The following ANKRD23 variants were observed in gnomAD, a reference collection of about 807,000 sequenced individuals.
The protein encoded by ANKRD23 is ankyrin repeat domain-containing protein 23.
A neutral mutation model predicts 38.1 loss-of-function variants in ANKRD23; 52 were observed. The observed-to-expected ratio is 1.36, with a 90% CI of 1.09 to 1.72. The LOEUF (loss-of-function observed/expected upper bound fraction) is 1.72. ANKRD23 is among the 40% of genes most tolerant of loss of function. The pLI, the probability that ANKRD23 is intolerant of heterozygous loss-of-function variation, is 0.00. For synonymous variants in ANKRD23, 167 were observed against 162.9 expected (o/e 1.03, Z -0.19); for missense variants, 416 against 400.2 (o/e 1.04, Z -0.34).
chr2:96,840,145 T>TA (rs2079742821), intron 6 of ANKRD23, 50 bp from the exon 7 acceptor site: 1 of 1,552,186 alleles, frequency 6.4e-7, no homozygotes, highest in African/African-American at 1.4e-5. Flanking sequence ...GAGGCCTCCC[T>TA]AACCCATGGG....
intron 2 of ANKRD23, 67 bp from the exon 3 acceptor site, chr2:96,842,252 C>A: frequency 6.2e-7 from 1 of 1,609,362 alleles, no homozygotes; most frequent in South Asian, 1.1e-5. Context: ...GCCCTGCCGA[C>A]AGGAGACACC....
At position 96,838,818 on chromosome 2, in the gene ANKRD23, C is replaced by T. The variant is rs1416194773; in HGVS notation, c.*731G>A. On this transcript the variant is annotated 3_prime_UTR_variant, in exon 9 of 9. Coordinates refer to ENST00000318357, the MANE Select transcript of ANKRD23 (RefSeq NM_144994.8). Reference sequence around the variant, plus strand: ...CTTCTCTCAAATGCGCGCTCCAGCTCATCAGTCTTAGGGCTTCTGAGGCAA... The same window carrying T: ...CTTCTCTCAAATGCGCGCTCCAGCTTATCAGTCTTAGGGCTTCTGAGGCAA... The T allele has an allele frequency of 2.0e-6, 2 of 985,454 alleles. No individual in the cohort carries two copies. Among genetic ancestry groups the T allele is most frequent in the Non-Finnish European group, 2.4e-6 (2 of 830,034 alleles). The allele number at this position is 985,454 out of a possible 1,614,324, so 61.0% of individuals were successfully genotyped here. A position where few individuals can be genotyped will look rare whatever the true frequency, so the allele number is the denominator to read the frequency against.
rs2079709934 is a variant in ANKRD23 at position 96,837,951 on chromosome 2, T to C, written c.*1598A>G. ...AGTTTTAATGAACAGAGGATACTGA[T>C]TGGTATAAAAAGGTGTGTTTGTCAC... is the stretch of plus-strand genomic sequence containing the variant. On this transcript the variant is annotated 3_prime_UTR_variant, in exon 9 of 9. Transcript: ENST00000318357. 1 of 152,200 alleles carries C rather than the reference T, an allele frequency of 6.6e-6. No individual in the cohort carries two copies. The highest frequency in any genetic ancestry group is 1.5e-5 in the Non-Finnish European group (1 of 68,024). 9.4% of individuals were successfully genotyped at this position (152,200 alleles called of 1,614,324 possible).
chr2:96,842,716 C>T (rs1236712890), intron 1 of ANKRD23, among the ~76,000 whole-genome samples: 1 of 152,248 alleles, frequency 6.6e-6, no homozygotes, highest in Non-Finnish European at 1.5e-5. Flanking sequence ...GCAACTGTGT[C>T]ATCAGCTGAC....
chr2:96,839,501 G>C lies in ANKRD23; in HGVS notation c.*48C>G. ...GTGCAGACGCGGGGGCGGGGCACAG[G>C]ATGGAATGGTGGCAGTGCGAAAGGC... On this transcript the variant is annotated 3_prime_UTR_variant, in exon 9 of 9. Coordinates refer to ENST00000318357, the MANE Select transcript of ANKRD23 (RefSeq NM_144994.8). The C allele has an allele frequency of 7.1e-7, 1 of 1,416,904 alleles. No individual in the cohort carries two copies. The highest frequency in any genetic ancestry group is 9.2e-7 in the Non-Finnish European group (1 of 1,091,072). The allele number at this position is 1,416,904 out of a possible 1,614,324, so 87.8% of individuals were successfully genotyped here.
At position 96,840,503 on chromosome 2, in the gene ANKRD23, G is replaced by A. The variant is rs144783054; in HGVS notation, c.438C>T (p.Thr146=). Residue 146 remains threonine, a synonymous_variant, in exon 5 of 9, where the codon ACC becomes ACT. Coordinates refer to ENST00000318357, the MANE Select transcript of ANKRD23 (RefSeq NM_144994.8). The part of the protein sequence containing the change: ...DPNAHDKLHR[T]ALHWACLKGH... ...CCTTCAGACAGGCCCAGTGCAAGGC[G>A]GTGCGGTGGAGCTGAGGGCAGAGAT... is the stretch of plus-strand genomic sequence containing the variant. 4.9e-5 allele frequency: 79 copies of A among 1,613,814 alleles called. 3 individuals are homozygous for A. In the South Asian group the frequency reaches 5.8e-4, roughly 12 times the overall value.
Position 96,839,317 on chromosome 2 carries a change from C to G in ANKRD23, c.*232G>C. On this transcript the variant is annotated 3_prime_UTR_variant, in exon 9 of 9. Transcript: ENST00000318357. The stretch of plus-strand genomic sequence containing the variant: ...TTCTGCTGCCTTGTGGTCCTCTGCT[C>G]CAGCCCTGGGAGGGAACGCGGCTCC... 1 of 1,244,228 alleles carries G rather than the reference C, an allele frequency of 8.0e-7. No individual in the cohort carries two copies. The highest frequency in any genetic ancestry group is 1.0e-6 in the Non-Finnish European group (1 of 995,958). The allele number at this position is 1,244,228 out of a possible 1,614,324, so 77.1% of individuals were successfully genotyped here. A position where few individuals can be genotyped will look rare whatever the true frequency, so the allele number is the denominator to read the frequency against.
rs1423707181 is a variant in ANKRD23 at position 96,839,001 on chromosome 2, G to A, written c.*548C>T. On this transcript the variant is annotated 3_prime_UTR_variant, in exon 9 of 9. Coordinates refer to ENST00000318357, the MANE Select transcript of ANKRD23 (RefSeq NM_144994.8). Reference sequence around the variant, plus strand: ...GCTACTGACAGGAATGGGGTCCCCAGAGAAAGCCATGCCCACAGGCATCCA... The same window carrying A: ...GCTACTGACAGGAATGGGGTCCCCAAAGAAAGCCATGCCCACAGGCATCCA... 1.0e-6 allele frequency: 1 copy of A among 985,818 alleles called. No homozygotes were observed. Among genetic ancestry groups the A allele is most frequent in the African/African-American group, 1.7e-5 (1 of 57,268 alleles). 61.1% of individuals were successfully genotyped at this position (985,818 alleles called of 1,614,324 possible). A position where few individuals can be genotyped will look rare whatever the true frequency, so the allele number is the denominator to read the frequency against.
rs2079735786 is a variant in ANKRD23, at chr2:96,839,710, G to T, written c.822+17C>A. ...ACCCGCCCTCGGGTCAGGAGCCAGG[G>T]CTGCGCCCACACTCACCGCGTTCCG... On this transcript the variant is annotated intron_variant, in intron 8 of 8. Coordinates refer to ENST00000318357, the MANE Select transcript of ANKRD23 (RefSeq NM_144994.8). The T allele has an allele frequency of 3.7e-6, 6 of 1,611,230 alleles. No individual in the cohort carries two copies. Among genetic ancestry groups the T allele is most frequent in the South Asian group, 1.1e-5 (1 of 90,758 alleles).
chr2:96,842,942 G>A (rs569243724), intron 1 of ANKRD23, among the ~76,000 whole-genome samples: 16 of 152,308 alleles, frequency 1.1e-4, no homozygotes, highest in African/African-American at 2.9e-4. Flanking sequence ...AAGTCCCCCC[G>A]GGGTAAAATT....
rs1440385712 is a variant in ANKRD23 at position 96,838,466 on chromosome 2, G to A, written c.*1083C>T. The A allele has an allele frequency of 7.1e-6, 7 of 987,160 alleles. No individual in the cohort carries two copies. The highest frequency in any genetic ancestry group is 7.2e-6 in the Non-Finnish European group (6 of 830,256). The allele number at this position is 987,160 out of a possible 1,614,324, so 61.2% of individuals were successfully genotyped here. A position where few individuals can be genotyped will look rare whatever the true frequency, so the allele number is the denominator to read the frequency against. Reference sequence around the variant, plus strand: ...TTAGACCACCAGGGAGCAGGGAAGGGATGGGAAGGGCTGGGGGGCGGCGGG... The same window carrying A: ...TTAGACCACCAGGGAGCAGGGAAGGAATGGGAAGGGCTGGGGGGCGGCGGG... On this transcript the variant is annotated 3_prime_UTR_variant, in exon 9 of 9. Coordinates refer to ENST00000318357, the MANE Select transcript of ANKRD23 (RefSeq NM_144994.8).
At position 96,838,448 on chromosome 2, in the gene ANKRD23, A is replaced by T. The variant is rs959691885; in HGVS notation, c.*1101T>A. 3 of 987,894 alleles carry T rather than the reference A, an allele frequency of 3.0e-6. No homozygotes were observed. The African/African-American group carries it at 5.2e-5, about 17-fold the overall frequency. 61.2% of individuals were successfully genotyped at this position (987,894 alleles called of 1,614,324 possible). On this transcript the variant is annotated 3_prime_UTR_variant, in exon 9 of 9. Transcript: ENST00000318357. Reference sequence around the variant, plus strand: ...TCTAGGGAGCTTGGGTCCTTAGACCACCAGGGAGCAGGGAAGGGATGGGAA... The same window carrying T: ...TCTAGGGAGCTTGGGTCCTTAGACCTCCAGGGAGCAGGGAAGGGATGGGAA...
At chr2:96,842,670 G>A (rs529888021) in intron 1 of ANKRD23, among the ~76,000 whole-genome samples, 159 bp from the exon 2 acceptor site, 3 of 152,334 alleles carry the variant, frequency 2.0e-5, no homozygotes, top group African/African-American at 7.2e-5. Flanking sequence ...CCAGAGTGCT[G>A]GCAAGCTCCC....
rs1433552543 is a variant in ANKRD23, at chr2:96,838,144, T to G, written c.*1405A>C. 2 of 168,680 alleles carry G rather than the reference T, an allele frequency of 1.2e-5. No individual in the cohort carries two copies. The allele number at this position is 168,680 out of a possible 1,614,324, so 10.4% of individuals were successfully genotyped here. On this transcript the variant is annotated 3_prime_UTR_variant, in exon 9 of 9. Transcript: ENST00000318357. Reference sequence around the variant, plus strand: ...TGCAGCACTGGTCAGCTTTTCCACATAGTAACAACAGCCTTGTTCTGGGCC... The same window carrying G: ...TGCAGCACTGGTCAGCTTTTCCACAGAGTAACAACAGCCTTGTTCTGGGCC...
intron 1 of ANKRD23, among the ~76,000 whole-genome samples, chr2:96,843,410 A>C (rs1291653075): frequency 6.6e-6 from 1 of 152,098 alleles, no homozygotes; most frequent in Non-Finnish European, 1.5e-5. Flanking sequence ...CAGGGAGCGA[A>C]AGAGCACCCT....
chr2:96,842,701 G>A (rs1053129909), intron 1 of ANKRD23, among the ~76,000 whole-genome samples, 190 bp from the exon 2 acceptor site: 1 of 152,220 alleles, frequency 6.6e-6, no homozygotes, highest in African/African-American at 2.4e-5. Context: ...GGTGCTGCAG[G>A]CTCCGCAACT....
chr2:96,842,031 C>T (rs2079767411), intron 3 of ANKRD23, 29 bp downstream of exon 3: 3 of 1,612,848 alleles, frequency 1.9e-6, no homozygotes, highest in South Asian at 1.1e-5. Context: ...CTGGTGTGTG[C>T]ACTGCCCTAA....
rs749267905 is a variant in ANKRD23 at position 96,840,497 on chromosome 2, C to T, written c.444G>A (p.Leu148=). ...NAHDKLHRTA[L]HWACLKGHSQ... ...TGTGACCCTTCAGACAGGCCCAGTG[C>T]AAGGCGGTGCGGTGGAGCTGAGGGC... Residue 148 remains leucine (L), a synonymous_variant, in exon 5 of 9, where the codon TTG becomes TTA. Transcript: ENST00000318357. 1.9e-6 allele frequency: 3 copies of T among 1,613,928 alleles called. No homozygotes were observed. Among genetic ancestry groups the T allele is most frequent in the Non-Finnish European group, 2.5e-6 (3 of 1,180,016 alleles).
Position 96,839,707 on chromosome 2 carries a change from A to G in ANKRD23, c.822+20T>C. The G allele has an allele frequency of 6.2e-7, 1 of 1,610,392 alleles. No individual in the cohort carries two copies. The highest frequency in any genetic ancestry group is 1.3e-5 in the African/African-American group (1 of 75,016). On this transcript the variant is annotated intron_variant, in intron 8 of 8. Transcript: ENST00000318357. Reference sequence around the variant, plus strand: ...TCCACCCGCCCTCGGGTCAGGAGCCAGGGCTGCGCCCACACTCACCGCGTT... The same window carrying G: ...TCCACCCGCCCTCGGGTCAGGAGCCGGGGCTGCGCCCACACTCACCGCGTT...
Sources: allele counts gnomAD v4.1 joint callset (sites outside exome capture counted in the v4.1 genomes callset), GRCh38; gene constraint gnomAD v4.1.1; transcripts MANE v1.5; gene names NCBI Gene and HGNC (gene_info 2026-07-23, HGNC 2026-07-21).